Variants in HHAT observed in about 807,000 individuals in gnomAD.
The protein encoded by HHAT is hedgehog acyltransferase, also known as protein-cysteine N-palmitoyltransferase HHAT.
Under a neutral mutation model 70.8 loss-of-function variants are expected in HHAT, and 47 were observed. The ratio of observed to expected loss-of-function variants is 0.66; its 90% CI spans 0.53 to 0.85. The LOEUF (loss-of-function observed/expected upper bound fraction) is 0.85. HHAT is among the 40% of genes least tolerant of loss of function. The pLI is 0.00. For synonymous variants in HHAT, 228 were observed against 247.6 expected (o/e 0.92, Z 0.74); for missense variants, 609 against 604.8 (o/e 1.01, Z -0.07).
chr1:210,407,216 G>A (rs78485988), intron 6 of HHAT, among the ~76,000 whole-genome samples: 4 of 152,234 alleles, frequency 2.6e-5, no homozygotes, highest in Admixed American at 2.6e-4. Flanking sequence ...AAAAGGCTGG[G>A]AGGTGGAGAA....
At chr1:210,660,037 C>G (rs1479973377) in intron 11 of HHAT, among the ~76,000 whole-genome samples, 1 of 152,150 alleles carries the variant, frequency 6.6e-6, no homozygotes, top group Non-Finnish European at 1.5e-5. Flanking sequence ...GTCACCACTC[C>G]TATTCAACAT....
intron 9 of HHAT, among the ~76,000 whole-genome samples, chr1:210,561,004 T>G (rs553064829): frequency 5.9e-5 from 9 of 152,236 alleles, no homozygotes; most frequent in African/African-American, 2.2e-4. Context: ...GGTTCTTTGA[T>G]ACATCTTTTC....
intron 11 of HHAT, among the ~76,000 whole-genome samples, chr1:210,668,681 T>C (rs1206124836): frequency 1.3e-5 from 2 of 152,238 alleles, no homozygotes; most frequent in East Asian, 1.9e-4. Context: ...CTAATACAGA[T>C]ATGTATGTGG....
intron 2 of HHAT, among the ~76,000 whole-genome samples, chr1:210,359,304 G>A (rs1206653681): frequency 1.3e-5 from 2 of 152,156 alleles, no homozygotes; most frequent in Non-Finnish European, 2.9e-5. Context: ...AACTGCCTTT[G>A]TAGGACTAAC....
intron 9 of HHAT, among the ~76,000 whole-genome samples, chr1:210,527,417 A>T (rs1428916259): frequency 6.6e-6 from 1 of 152,128 alleles, no homozygotes; most frequent in East Asian, 1.9e-4. Context: ...ATTAATAGTA[A>T]TACCTATTTC....
At chr1:210,398,100 G>C (rs2091891711) in intron 4 of HHAT, among the ~76,000 whole-genome samples, 1 of 152,240 alleles carries the variant, frequency 6.6e-6, no homozygotes, top group African/African-American at 2.4e-5. Context: ...CCAGGTTCAA[G>C]CGATTCTCCT....
intron 11 of HHAT, among the ~76,000 whole-genome samples, chr1:210,628,167 TGAG>T (rs146192374): frequency 0.027 from 4,051 of 151,938 alleles, 177 homozygotes; most frequent in African/African-American, 0.093. Context: ...CCTGGGGTAA[TGAG>T]GAGAAAAAGT....
At chr1:210,500,188 C>G (rs906764463) in intron 8 of HHAT, among the ~76,000 whole-genome samples, 1 of 152,178 alleles carries the variant, frequency 6.6e-6, no homozygotes, top group South Asian at 2.1e-4. Context: ...GTGATGTCTA[C>G]TTTTCAAACC....
At chr1:210,448,078 G>A in intron 7 of HHAT, among the ~76,000 whole-genome samples, 2 of 119,438 alleles carry the variant, frequency 1.7e-5, no homozygotes, top group South Asian at 2.9e-4. Flanking sequence ...TTGGTTAGAG[G>A]TTCTTTTTTT....
intron 10 of HHAT, among the ~76,000 whole-genome samples, chr1:210,612,399 T>C (rs918895273): frequency 1.3e-5 from 2 of 152,184 alleles, no homozygotes; most frequent in African/African-American, 4.8e-5. Flanking sequence ...AATGCAACCA[T>C]ACAATGTTTG....
chr1:210,592,679 T>C (rs1662006320), intron 10 of HHAT, among the ~76,000 whole-genome samples: 1 of 152,118 alleles, frequency 6.6e-6, no homozygotes, highest in African/African-American at 2.4e-5. Flanking sequence ...GGAATATCTT[T>C]CCATTTTTTG....
At chr1:210,615,291 G>C (rs752813773) in intron 10 of HHAT, among the ~76,000 whole-genome samples, 15 of 152,196 alleles carry the variant, frequency 9.9e-5, no homozygotes, top group Middle Eastern at 3.4e-3. Context: ...TTGAGTTCTT[G>C]TAAATTTAAG....
chr1:210,581,218 G>A (rs1008422624), intron 9 of HHAT, among the ~76,000 whole-genome samples: 13 of 152,204 alleles, frequency 8.5e-5, no homozygotes, highest in African/African-American at 3.1e-4. Flanking sequence ...TGTAAATTCT[G>A]GGTATTAGAC....
chr1:210,618,542 T>C (rs1173093524), intron 10 of HHAT, among the ~76,000 whole-genome samples: 1 of 152,184 alleles, frequency 6.6e-6, no homozygotes, highest in East Asian at 1.9e-4. Flanking sequence ...TGCCAAGCCT[T>C]TGTCACAGTC....
intron 3 of HHAT, among the ~76,000 whole-genome samples, chr1:210,370,551 C>T (rs1388619842): frequency 6.6e-6 from 1 of 150,898 alleles, no homozygotes; most frequent in Non-Finnish European, 1.5e-5. Context: ...GAGCAGGGTA[C>T]CTGGTGGCTA....
At chr1:210,584,941 A>G (rs896199589) in intron 9 of HHAT, among the ~76,000 whole-genome samples, 4 of 152,224 alleles carry the variant, frequency 2.6e-5, no homozygotes, top group African/African-American at 9.7e-5. Context: ...TGGAATATCC[A>G]TTAATCTGTA....
At chr1:210,413,523 A>G (rs749683864) in intron 6 of HHAT, among the ~76,000 whole-genome samples, 2 of 152,216 alleles carry the variant, frequency 1.3e-5, no homozygotes, top group Non-Finnish European at 2.9e-5. Context: ...CTGTTTTACT[A>G]TAAACAGTCA....
At chr1:210,432,013 A>G (rs1242237969) in intron 7 of HHAT, among the ~76,000 whole-genome samples, 1 of 151,878 alleles carries the variant, frequency 6.6e-6, no homozygotes, top group African/African-American at 2.4e-5. Flanking sequence ...TTGCAGTCCT[A>G]TTCTATATCT....
chr1:210,545,426 CT>C (rs1573206804), intron 9 of HHAT, among the ~76,000 whole-genome samples: 1 of 130,964 alleles, frequency 7.6e-6, no homozygotes, highest in African/African-American at 2.8e-5. Flanking sequence ...GTCATGACTT[CT>C]TTTTTTTCCT....
Sources: allele counts gnomAD v4.1 joint callset (sites outside exome capture counted in the v4.1 genomes callset), GRCh38; gene constraint gnomAD v4.1.1; transcripts MANE v1.5; gene names NCBI Gene and HGNC (gene_info 2026-07-23, HGNC 2026-07-21).